The following KLHL3 variants were observed in gnomAD, a reference collection of about 807,000 sequenced individuals.
The protein encoded by KLHL3 is kelch like family member 3, also known as kelch-like protein 3.
Under a neutral mutation model 70.5 loss-of-function variants are expected in KLHL3, and 19 were observed. The ratio of observed to expected loss-of-function variants is 0.27; its 90% CI spans 0.19 to 0.40. KLHL3 has a LOEUF of 0.40. Ranked by LOEUF, KLHL3 falls within the 10% of genes least tolerant of loss-of-function variation. The probability of loss-of-function intolerance (pLI) is 1.00; values close to 1 mark genes in which losing one functional copy is unlikely to be tolerated. For missense variants in KLHL3, 512 were observed against 771.1 expected, an observed-to-expected ratio of 0.66 and a Z score of 3.98; for synonymous variants, 258 against 290.3, an observed-to-expected ratio of 0.89 and a Z score of 1.13.
At chr5:137,699,985 C>A (rs1031968523) in intron 3 of KLHL3, among the ~76,000 whole-genome samples, 1 of 152,162 alleles carries the variant, frequency 6.6e-6, no homozygotes, top group African/African-American at 2.4e-5. Flanking sequence ...AGAAAAGTAG[C>A]GGGGGAGACA....
chr5:137,670,183 C>T (rs1476242681), intron 6 of KLHL3, among the ~76,000 whole-genome samples: 12 of 152,144 alleles, frequency 7.9e-5, no homozygotes, highest in African/African-American at 2.2e-4. Context: ...TTTGAACTGA[C>T]ATCACCCAGG....
At chr5:137,663,247 G>A (rs1751530848) in intron 6 of KLHL3, among the ~76,000 whole-genome samples, 1 of 151,406 alleles carries the variant, frequency 6.6e-6, no homozygotes, top group African/African-American at 2.4e-5. Flanking sequence ...AGTAGAGACG[G>A]GGTTTCACCA....
At chr5:137,695,734 T>C (rs1387350416) in intron 4 of KLHL3, among the ~76,000 whole-genome samples, 1 of 152,214 alleles carries the variant, frequency 6.6e-6, no homozygotes, top group Non-Finnish European at 1.5e-5. Context: ...TTATCTTGCC[T>C]GAAACTCTAC....
intron 6 of KLHL3, among the ~76,000 whole-genome samples, chr5:137,665,197 G>A (rs964216657): frequency 6.6e-6 from 1 of 152,194 alleles, no homozygotes; most frequent in Non-Finnish European, 1.5e-5. Context: ...GACAGTTCTA[G>A]ATTAGAGAGA....
intron 2 of KLHL3, among the ~76,000 whole-genome samples, chr5:137,717,408 T>C (rs1390196669): frequency 1.3e-5 from 2 of 152,190 alleles, no homozygotes; most frequent in African/African-American, 4.8e-5. Flanking sequence ...CAGGTGCCTA[T>C]AATCCCAACT....
intron 14 of KLHL3, among the ~76,000 whole-genome samples, chr5:137,625,533 G>A (rs1750437108): frequency 2.0e-5 from 3 of 151,894 alleles, no homozygotes; most frequent in Admixed American, 1.3e-4. Flanking sequence ...CACAGGGTTC[G>A]GGCAGGGGCA....
intron 2 of KLHL3, among the ~76,000 whole-genome samples, 165 bp downstream of exon 2, chr5:137,720,300 C>CA (rs796536128): frequency 0.012 from 1,475 of 124,324 alleles, 24 homozygotes; most frequent in African/African-American, 0.037. Flanking sequence ...GATTCCGTCT[C>CA]AAAAAAAAAA....
chr5:137,658,569 T>C (rs1580738534), intron 7 of KLHL3, among the ~76,000 whole-genome samples: 1 of 152,150 alleles, frequency 6.6e-6, no homozygotes, highest in Non-Finnish European at 1.5e-5. Context: ...CTCACTAGTT[T>C]TGTTTGTTTT....
At chr5:137,726,746 G>C (rs1753091632) in intron 1 of KLHL3, among the ~76,000 whole-genome samples, 1 of 152,100 alleles carries the variant, frequency 6.6e-6, no homozygotes, top group African/African-American at 2.4e-5. Flanking sequence ...CATGCCCACA[G>C]TAGGTCCTCA....
intron 12 of KLHL3, among the ~76,000 whole-genome samples, chr5:137,631,406 C>A (rs946786384): frequency 2.6e-5 from 4 of 151,504 alleles, no homozygotes; most frequent in African/African-American, 9.8e-5. Context: ...TCATTTTCTT[C>A]ACATGTTGGG....
At position 137,639,191 on chromosome 5, in the gene KLHL3, G is replaced by A. The variant is rs372042007; in HGVS notation, c.1022-41C>T. On this transcript the variant is annotated intron_variant, in intron 9 of 14. Transcript: ENST00000309755. This position sits in a 1 kb window ranked among gnomAD's most constrained non-coding sequence, Gnocchi z 5.0. ...CCAAGACATCAAGGTCAGGTCAGGC[G>A]CATGACTGCTCATGTTGATGGATGG... The A allele has an allele frequency of 9.0e-5, 143 of 1,585,390 alleles. No homozygotes were observed. Among genetic ancestry groups the A allele is most frequent in the Middle Eastern group, 6.7e-4 (4 of 5,982 alleles).
At chr5:137,690,209 C>T (rs1752283753) in intron 5 of KLHL3, among the ~76,000 whole-genome samples, 1 of 152,122 alleles carries the variant, frequency 6.6e-6, no homozygotes, top group South Asian at 2.1e-4. Flanking sequence ...CGCCTGTAGT[C>T]CCAGCTACTC....
Position 137,620,757 on chromosome 5 carries a change from C to T in KLHL3, c.*1341G>A, listed in dbSNP as rs1750274164. The T allele has an allele frequency of 6.6e-6, 1 of 152,182 alleles. No individual in the cohort carries two copies. The highest frequency in any genetic ancestry group is 6.5e-5 in the Admixed American group (1 of 15,280). 9.4% of individuals were successfully genotyped at this position (152,182 alleles called of 1,614,324 possible). A position where few individuals can be genotyped will look rare whatever the true frequency, so the allele number is the denominator to read the frequency against. On this transcript the variant is annotated 3_prime_UTR_variant, in exon 15 of 15. Transcript: ENST00000309755. ...CTCACCAAGCTCCCTTTTTAAAATG[C>T]AAGCACATCTTAGGAAGCCTCAAAT... is the stretch of plus-strand genomic sequence containing the variant.
At chr5:137,711,930 G>A (rs1212617825) in intron 2 of KLHL3, among the ~76,000 whole-genome samples, 4 of 151,602 alleles carry the variant, frequency 2.6e-5, no homozygotes, top group African/African-American at 9.7e-5. Context: ...GAGGAAGGCA[G>A]ATCACTTCAG....
chr5:137,636,657 C>G (rs1372834885), intron 11 of KLHL3, among the ~76,000 whole-genome samples: 1 of 152,010 alleles, frequency 6.6e-6, no homozygotes, highest in Admixed American at 6.5e-5. Flanking sequence ...GAATCTGAGG[C>G]CTGCCTATCT....
chr5:137,675,015 G>T (rs1264715544), intron 6 of KLHL3, among the ~76,000 whole-genome samples: 1 of 152,284 alleles, frequency 6.6e-6, no homozygotes, highest in Admixed American at 6.5e-5. Flanking sequence ...TGTAGACCAA[G>T]CCCCACTATT....
intron 1 of KLHL3, among the ~76,000 whole-genome samples, chr5:137,735,107 G>A (rs1012752833): frequency 2.0e-5 from 3 of 152,174 alleles, no homozygotes; most frequent in African/African-American, 7.2e-5. Context: ...ATCCCTGAAT[G>A]TGTGTGTATA....
At chr5:137,712,931 T>G (rs1752822098) in intron 2 of KLHL3, among the ~76,000 whole-genome samples, 1 of 152,132 alleles carries the variant, frequency 6.6e-6, no homozygotes. Flanking sequence ...GAAAAAAAAT[T>G]TTAAAAAAAT....
chr5:137,642,638 G>A (rs1750943138), intron 8 of KLHL3, among the ~76,000 whole-genome samples: 2 of 152,092 alleles, frequency 1.3e-5, no homozygotes, highest in South Asian at 4.1e-4. Flanking sequence ...CACATGCAAG[G>A]AGTTAAACAA....
Sources: allele counts gnomAD v4.1 joint callset (sites outside exome capture counted in the v4.1 genomes callset), GRCh38; gene constraint gnomAD v4.1.1; non-coding constraint Gnocchi (gnomAD v3.1); transcripts MANE v1.5; gene names NCBI Gene and HGNC (gene_info 2026-07-23, HGNC 2026-07-21).